Variants in FRAS1 observed in about 807,000 individuals in gnomAD.
The protein encoded by FRAS1 is extracellular matrix organizing protein FRAS1.
FRAS1 carries 290 observed loss-of-function variants against 435.2 expected under a neutral mutation model. The observed-to-expected ratio is 0.67, with a 90% CI of 0.61 to 0.73. The LOEUF (loss-of-function observed/expected upper bound fraction) is 0.73, where lower values mean the gene tolerates loss of function less well. FRAS1 is among the 30% of genes least tolerant of loss of function. The pLI is 0.00. For missense variants in FRAS1, 4,860 were observed against 5,001.5 expected (o/e 0.97, Z 0.85); for synonymous variants, 1,800 against 1,851.0 (o/e 0.97, Z 0.71).
intron 5 of FRAS1, among the ~76,000 whole-genome samples, chr4:78,254,973 G>C (rs1725722172): frequency 1.3e-5 from 2 of 152,170 alleles, no homozygotes; most frequent in South Asian, 2.1e-4. Context: ...CATTCATTGG[G>C]ATGGAGTGGA....
Position 78,363,928 on chromosome 4 carries a change from A to C in FRAS1, c.2596A>C (p.Thr866Pro). ...ACKKCHSSCRTCQGRGPFSCS... is the reference protein window; with the variant it reads ...ACKKCHSSCRPCQGRGPFSCS... ...TGCAGAATGCCACTCCTCCTGCAGA[A>C]CCTGCCAGGGCAGAGGACCTTTCTC... The change falls in exon 22 of 74, where the codon ACC becomes CCC. Residue 866 changes from threonine (T) to proline (P), a missense_variant. Coordinates refer to ENST00000512123, the MANE Select transcript of FRAS1 (RefSeq NM_025074.7). The C allele has an allele frequency of 6.2e-7, 1 of 1,611,390 alleles. No homozygotes were observed. The highest frequency in any genetic ancestry group is 8.5e-7 in the Non-Finnish European group (1 of 1,178,882).
chr4:78,428,157 G>C (rs770821554), intron 35 of FRAS1, among the ~76,000 whole-genome samples: 8 of 152,142 alleles, frequency 5.3e-5, no homozygotes, highest in Non-Finnish European at 1.2e-4. Flanking sequence ...CTCAGAGATG[G>C]ATGTTCACTT....
At chr4:78,417,084 A>G (rs1733581949) in intron 32 of FRAS1, among the ~76,000 whole-genome samples, 1 of 152,196 alleles carries the variant, frequency 6.6e-6, no homozygotes, top group Non-Finnish European at 1.5e-5. Context: ...TGAACATTCT[A>G]AGTAGCTAAT....
chr4:78,068,594 G>A (rs1445811940), intron 2 of FRAS1: 2 of 456,116 alleles, frequency 4.4e-6, no homozygotes, highest in East Asian at 1.4e-4. Flanking sequence ...AGGAGGAATG[G>A]CAACACTGGA....
At chr4:78,366,119 T>C (rs1578276805) in intron 22 of FRAS1, among the ~76,000 whole-genome samples, 1 of 152,242 alleles carries the variant, frequency 6.6e-6, no homozygotes, top group East Asian at 1.9e-4. Context: ...TTGAAGGAAG[T>C]AAGGACTGGA....
At chr4:78,284,645 AG>A (rs1727495907) in intron 13 of FRAS1, 97 bp downstream of exon 13, 3 of 1,148,292 alleles carry the variant, frequency 2.6e-6, no homozygotes, top group Admixed American at 5.2e-5. Flanking sequence ...ATTGTCAAGG[AG>A]GGGGTCATGC....
intron 14 of FRAS1, among the ~76,000 whole-genome samples, chr4:78,295,124 T>C (rs1213691125): frequency 6.6e-6 from 1 of 152,244 alleles, no homozygotes; most frequent in African/African-American, 2.4e-5. Context: ...TTTCCATCTC[T>C]GGCTATGCAA....
intron 7 of FRAS1, among the ~76,000 whole-genome samples, chr4:78,266,091 C>T (rs1726340465): frequency 6.6e-6 from 1 of 152,224 alleles, no homozygotes; most frequent in Non-Finnish European, 1.5e-5. Flanking sequence ...AGAAATCCCA[C>T]TCTAAAAGTG....
intron 2 of FRAS1, among the ~76,000 whole-genome samples, chr4:78,180,105 T>A (rs1325918635): frequency 6.6e-6 from 1 of 152,186 alleles, no homozygotes; most frequent in Non-Finnish European, 1.5e-5. Flanking sequence ...CATTCATTCA[T>A]TCAACAACAA....
intron 2 of FRAS1, among the ~76,000 whole-genome samples, chr4:78,132,626 A>T (rs1176126499): frequency 6.6e-6 from 1 of 152,194 alleles, no homozygotes; most frequent in Non-Finnish European, 1.5e-5. Flanking sequence ...TTCAGGAGAC[A>T]GGAGGGGATA....
intron 2 of FRAS1, among the ~76,000 whole-genome samples, chr4:78,067,087 A>C (rs1740075446): frequency 6.6e-6 from 1 of 152,220 alleles, no homozygotes; most frequent in Non-Finnish European, 1.5e-5. Context: ...GCTACAGTAG[A>C]TATTTAGACA....
intron 2 of FRAS1, among the ~76,000 whole-genome samples, chr4:78,140,530 A>T (rs1246068426): frequency 6.6e-6 from 1 of 152,108 alleles, no homozygotes; most frequent in Non-Finnish European, 1.5e-5. Flanking sequence ...GAGCTAGAAG[A>T]TCTTTAAAAT....
In FRAS1 at chr4:78,241,552, T is replaced by C. The variant is rs77969160; in HGVS notation, c.217-3681T>C. On this transcript the variant is annotated intron_variant, in intron 3 of 73. Transcript: ENST00000512123. ...AATAGCCCAGACTAGAGAGAGAAAT[T>C]GAAGAGATGGGAGTTAGAGGGGAGG... Among the ~76,000 whole-genome samples, 164 of 152,100 alleles carry C rather than the reference T, an allele frequency of 1.1e-3. 1 individual carries two copies. In the East Asian group the frequency reaches 0.029, roughly 27 times the overall value.
At chr4:78,211,602 G>T (rs1046911033) in intron 2 of FRAS1, among the ~76,000 whole-genome samples, 2 of 152,164 alleles carry the variant, frequency 1.3e-5, no homozygotes, top group East Asian at 1.9e-4. Flanking sequence ...GGGCCCAGGG[G>T]CTTGGGAAAT....
chr4:78,489,176 A>AT, intron 59 of FRAS1, 96 bp downstream of exon 59: 4 of 1,161,996 alleles, frequency 3.4e-6, no homozygotes, highest in African/African-American at 1.5e-5. Flanking sequence ...AATTCTCAGA[A>AT]TTTTGTATAC....
intron 2 of FRAS1, among the ~76,000 whole-genome samples, chr4:78,098,271 C>A: frequency 7.1e-6 from 1 of 140,692 alleles, no homozygotes; most frequent in African/African-American, 2.7e-5. Flanking sequence ...TAGGATAGAT[C>A]TTTTCTTTTT....
At chr4:78,117,942 T>G (rs1324752458) in intron 2 of FRAS1, among the ~76,000 whole-genome samples, 1 of 152,272 alleles carries the variant, frequency 6.6e-6, no homozygotes, top group East Asian at 1.9e-4. Context: ...TGCTCTGTTT[T>G]TTCCCCATCT....
At chr4:78,463,366 T>TTA (rs1560741848) in intron 47 of FRAS1, among the ~76,000 whole-genome samples, 1 of 152,168 alleles carries the variant, frequency 6.6e-6, no homozygotes, top group Non-Finnish European at 1.5e-5. Context: ...TTAAAGGATA[T>TTA]TGTTTTTCCA....
chr4:78,116,580 C>T (rs545343519), intron 2 of FRAS1, among the ~76,000 whole-genome samples: 168 of 152,178 alleles, frequency 1.1e-3, no homozygotes, highest in African/African-American at 2.3e-3. Flanking sequence ...TTTACCATTA[C>T]GTAATGGCCT....
Sources: allele counts gnomAD v4.1 joint callset (sites outside exome capture counted in the v4.1 genomes callset), GRCh38; gene constraint gnomAD v4.1.1; transcripts MANE v1.5; gene names NCBI Gene and HGNC (gene_info 2026-07-23, HGNC 2026-07-21).